The following ABL2 variants were observed in gnomAD, a reference collection of about 807,000 sequenced individuals.
ABL2 encodes ABL proto-oncogene 2, non-receptor tyrosine kinase.
In ABL2, 49 loss-of-function variants were observed where a neutral mutation model predicts 107.7. The ratio of observed to expected loss-of-function variants is 0.45; its 90% confidence interval spans 0.36 to 0.58. The LOEUF (loss-of-function observed/expected upper bound fraction) is 0.58, where lower values mean the gene tolerates loss of function less well. ABL2 is among the 20% of genes least tolerant of loss of function. ABL2 has a pLI of 0.00. For synonymous variants in ABL2, 549 were observed against 548.6 expected, an observed-to-expected ratio of 1.00 and a Z score of -0.01; for missense variants, 1,245 against 1,457.0, an observed-to-expected ratio of 0.85 and a Z score of 2.37.
chr1:179,209,437 T>C (rs975040679), intron 1 of ABL2, among the ~76,000 whole-genome samples: 4 of 152,250 alleles, frequency 2.6e-5, no homozygotes, highest in African/African-American at 9.6e-5. Flanking sequence ...GAAGGCTCCA[T>C]GTCACATAAA....
intron 1 of ABL2, among the ~76,000 whole-genome samples, chr1:179,183,200 T>C (rs1262972320): frequency 6.6e-6 from 1 of 151,556 alleles, no homozygotes; most frequent in Non-Finnish European, 1.5e-5. Flanking sequence ...GGACACAGAG[T>C]GTAGAATAGG....
In ABL2 at chr1:179,133,313, T is replaced by C. The variant is rs1656523488; in HGVS notation, c.219A>G (p.Pro73=). Residue 73 remains proline, a splice_region_variant and synonymous_variant, in exon 2 of 12, where the codon CCA becomes CCG. Coordinates refer to ENST00000502732, the MANE Select transcript of ABL2 (RefSeq NM_007314.4). ...FEGDKTGGSS[P]EALHRPYGCD... ...CTGCAACATCTCAACATCTCTCACC[T>C]GGACTACTGCCTCCAGTCTTGTCTC... 13 of 1,614,186 alleles carry C rather than the reference T, an allele frequency of 8.1e-6. No homozygotes were observed. The highest frequency in any genetic ancestry group is 1.1e-5 in the Non-Finnish European group (13 of 1,180,034).
chr1:179,227,766 C>T (rs999809298), intron 1 of ABL2, among the ~76,000 whole-genome samples: 15 of 152,058 alleles, frequency 9.9e-5, no homozygotes, highest in Non-Finnish European at 1.3e-4. Context: ...CAATAGGAGA[C>T]ATGTGGCCAG....
At chr1:179,162,369 G>T (rs1039803087) in intron 1 of ABL2, among the ~76,000 whole-genome samples, 4 of 152,118 alleles carry the variant, frequency 2.6e-5, no homozygotes, top group African/African-American at 9.7e-5. Flanking sequence ...CAGATCACCT[G>T]AAGTCAGGAA....
At position 179,107,948 on chromosome 1, in the gene ABL2, T is replaced by A; in HGVS notation, c.3319A>T (p.Ser1107Cys). 1 of 1,614,234 alleles carries A rather than the reference T, an allele frequency of 6.2e-7. No homozygotes were observed. Among genetic ancestry groups the A allele is most frequent in the Non-Finnish European group, 8.5e-7 (1 of 1,180,048 alleles). Residue 1107 changes from serine (S) to cysteine (C), a missense_variant, in exon 12 of 12, where the codon AGC becomes TGC. Physicochemically the swap from Ser to Cys is moderately radical, Grantham distance 112. Transcript: ENST00000502732. ...TGGTGTCCAGTGTCTACCAGCTGGC[T>A]GTTGGGCACAGGTTCCGTGAGTGCA... ...SSALTEPVPNSQLVDTGHQLL... is the reference protein window; with the variant it reads ...SSALTEPVPNCQLVDTGHQLL...
intron 1 of ABL2, among the ~76,000 whole-genome samples, chr1:179,205,387 T>C (rs1456842648): frequency 6.6e-6 from 1 of 152,198 alleles, no homozygotes; most frequent in East Asian, 1.9e-4. Flanking sequence ...AACTACACTT[T>C]CTCCATGCCC....
chr1:179,122,882 A>G (rs1655360514), intron 4 of ABL2, among the ~76,000 whole-genome samples: 1 of 151,836 alleles, frequency 6.6e-6, no homozygotes, highest in Non-Finnish European at 1.5e-5. Context: ...CTGGTCAGGA[A>G]CTCCTAACCT....
intron 3 of ABL2, among the ~76,000 whole-genome samples, chr1:179,128,967 G>A (rs1656010063): frequency 6.6e-6 from 1 of 152,046 alleles, no homozygotes; most frequent in Admixed American, 6.5e-5. Context: ...ATACAGGGAT[G>A]AGCCACTGCG....
At chr1:179,186,343 G>T (rs1263795049) in intron 1 of ABL2, among the ~76,000 whole-genome samples, 4 of 152,114 alleles carry the variant, frequency 2.6e-5, no homozygotes, top group Non-Finnish European at 5.9e-5. Context: ...TTGAGCGTGT[G>T]TGTTTGGGTT....
At chr1:179,189,678 C>T (rs969072983) in intron 1 of ABL2, among the ~76,000 whole-genome samples, 4 of 152,146 alleles carry the variant, frequency 2.6e-5, no homozygotes, top group African/African-American at 9.7e-5. Flanking sequence ...ACTCTCACCA[C>T]TCAACACAAT....
At position 179,103,086 on chromosome 1, in the gene ABL2, A is replaced by C. The variant is rs1479140908; in HGVS notation, c.*4632T>G. On this transcript the variant is annotated 3_prime_UTR_variant, in exon 12 of 12. Coordinates refer to ENST00000502732, the MANE Select transcript of ABL2 (RefSeq NM_007314.4). ...AAATGGAGAAGAGTAAGAGGACCTC[A>C]TCCTTCTTGAGTCAAGGTCCTTGGA... 4.5e-6 allele frequency: 1 copy of C among 221,212 alleles called. No homozygotes were observed. Among genetic ancestry groups the C allele is most frequent in the Non-Finnish European group, 9.1e-6 (1 of 110,482 alleles). 13.7% of individuals were successfully genotyped at this position (221,212 alleles called of 1,614,324 possible). A position where few individuals can be genotyped will look rare whatever the true frequency, so the allele number is the denominator to read the frequency against.
chr1:179,111,819 G>A (rs1030268108), intron 10 of ABL2, among the ~76,000 whole-genome samples: 4 of 152,146 alleles, frequency 2.6e-5, no homozygotes, highest in Non-Finnish European at 5.9e-5. Flanking sequence ...TGAAGTGGGT[G>A]GATCACTTAA....
intron 1 of ABL2, among the ~76,000 whole-genome samples, chr1:179,145,892 TC>T (rs1272721154): frequency 2.1e-5 from 2 of 93,524 alleles, no homozygotes; most frequent in East Asian, 7.9e-4. Context: ...TGGTCTGATC[TC>T]CATTTTTTTT....
intron 1 of ABL2, among the ~76,000 whole-genome samples, chr1:179,153,254 A>G (rs758349664): frequency 6.6e-6 from 1 of 152,170 alleles, no homozygotes; most frequent in South Asian, 2.1e-4. Flanking sequence ...CCCTAGGTGA[A>G]GTCATTCACA....
In ABL2 at chr1:179,102,657, C is replaced by G. The variant is rs115727481; in HGVS notation, c.*5061G>C. ...ATCAAGAACAAAAATATAGATAACC[C>G]TGTCAACCCAATATGAACTCCTGGT... On this transcript the variant is annotated 3_prime_UTR_variant, in exon 12 of 12. Transcript: ENST00000502732. The G allele has an allele frequency of 1.7e-3, 392 of 229,932 alleles. 1 individual carries two copies. The highest frequency in any genetic ancestry group is 2.9e-3 in the Non-Finnish European group (335 of 116,040). The allele number at this position is 229,932 out of a possible 1,614,324, so 14.2% of individuals were successfully genotyped here. A position where few individuals can be genotyped will look rare whatever the true frequency, so the allele number is the denominator to read the frequency against.
chr1:179,171,816 T>G (rs1231505377), intron 1 of ABL2, among the ~76,000 whole-genome samples: 1 of 152,204 alleles, frequency 6.6e-6, no homozygotes, highest in Non-Finnish European at 1.5e-5. Context: ...TAGCCTGACT[T>G]TTCATGTCCA....
intron 7 of ABL2, 131 bp downstream of exon 7, chr1:179,118,456 T>C: frequency 1.2e-6 from 1 of 823,918 alleles, no homozygotes; most frequent in South Asian, 1.8e-5. Context: ...GACATTATAA[T>C]GGGCCCTGTG....
intron 1 of ABL2, among the ~76,000 whole-genome samples, chr1:179,211,725 G>A (rs939357554): frequency 1.3e-5 from 2 of 151,480 alleles, no homozygotes; most frequent in Non-Finnish European, 2.9e-5. Flanking sequence ...TGCGAACCCG[G>A]GTGATGGAGG....
At chr1:179,193,731 G>GT (rs993355023) in intron 1 of ABL2, among the ~76,000 whole-genome samples, 23 of 151,216 alleles carry the variant, frequency 1.5e-4, no homozygotes, top group Non-Finnish European at 2.8e-4. Context: ...GTTGTATTTT[G>GT]TTTTTTTGGT....
Sources: gnomAD v4.1 joint callset for allele counts (sites outside exome capture counted in the v4.1 genomes callset) on GRCh38, gnomAD v4.1.1 for gene constraint, MANE v1.5 for transcripts, NCBI Gene and HGNC (gene_info 2026-07-23, HGNC 2026-07-21) for gene names.